CERS4: variants seen among roughly 807,000 people sequenced by gnomAD.
CERS4 encodes the protein LAG1 homolog, ceramide synthase 4.
In CERS4, 65 loss-of-function variants were observed where a neutral mutation model predicts 51.8. That is an observed-to-expected ratio of 1.26 (90% CI 1.03 to 1.54). The LOEUF (loss-of-function observed/expected upper bound fraction) is 1.54, where lower values mean the gene tolerates loss of function less well. Ranked by LOEUF, CERS4 falls within the 40% of genes most tolerant of loss-of-function variation. CERS4 has a pLI of 0.00. For missense variants in CERS4, 563 were observed against 500.4 expected, an observed-to-expected ratio of 1.13 and a Z score of -1.19; for synonymous variants, 228 against 208.4, an observed-to-expected ratio of 1.09 and a Z score of -0.81.
intron 2 of CERS4, among the ~76,000 whole-genome samples, chr19:8,242,942 A>G (rs1279779071): frequency 6.7e-6 from 1 of 150,212 alleles, no homozygotes; most frequent in Non-Finnish European, 1.5e-5. Context: ...GCAAGGATGC[A>G]TCCAAGACCC....
At chr19:8,211,426 C>T (rs551225816) in intron 2 of CERS4, among the ~76,000 whole-genome samples, 6 of 152,272 alleles carry the variant, frequency 3.9e-5, no homozygotes, top group African/African-American at 4.8e-5. Context: ...TGAGGGCCTC[C>T]GGGCTACTGA....
chr19:8,255,930 C>G (rs764830337), intron 6 of CERS4, 51 bp downstream of exon 6: 1 of 1,586,170 alleles, frequency 6.3e-7, no homozygotes, highest in Non-Finnish European at 8.6e-7. Flanking sequence ...TCCACCTGGC[C>G]TAGATCTGGC....
At chr19:8,234,740 G>T (rs1968164828) in intron 2 of CERS4, among the ~76,000 whole-genome samples, 1 of 150,794 alleles carries the variant, frequency 6.6e-6, no homozygotes, top group African/African-American at 2.4e-5. Context: ...TTTTAGTAGA[G>T]GTGGGGTTTC....
At chr19:8,226,299 A>G (rs902951525) in intron 2 of CERS4, among the ~76,000 whole-genome samples, 4 of 152,154 alleles carry the variant, frequency 2.6e-5, no homozygotes, top group African/African-American at 4.8e-5. Context: ...TCTGATGGAT[A>G]ATACCTGGGA....
chr19:8,246,096 C>CAA (rs145712726), intron 2 of CERS4, among the ~76,000 whole-genome samples: 10 of 137,338 alleles, frequency 7.3e-5, no homozygotes, highest in Non-Finnish European at 1.1e-4. Context: ...ACAACAACAA[C>CAA]AACAAAAAAA....
chr19:8,223,693 G>C (rs771345613), intron 2 of CERS4, among the ~76,000 whole-genome samples: 3 of 152,148 alleles, frequency 2.0e-5, no homozygotes, highest in Non-Finnish European at 4.4e-5. Context: ...AGCTGAGGTG[G>C]GAGGATCACT....
intron 2 of CERS4, among the ~76,000 whole-genome samples, chr19:8,235,284 G>A (rs1223847895): frequency 1.3e-5 from 2 of 151,520 alleles, no homozygotes; most frequent in African/African-American, 2.4e-5. Context: ...TGGGATTACA[G>A]GCGTGAACGA....
intron 2 of CERS4, among the ~76,000 whole-genome samples, chr19:8,218,762 C>T (rs1161872452): frequency 6.6e-6 from 1 of 152,188 alleles, no homozygotes; most frequent in Non-Finnish European, 1.5e-5. Context: ...ACAAACACCT[C>T]CGGTCCTTAA....
At chr19:8,257,591 A>G (rs1487338501) in intron 9 of CERS4, among the ~76,000 whole-genome samples, 1 of 151,914 alleles carries the variant, frequency 6.6e-6, no homozygotes, top group African/African-American at 2.4e-5. Flanking sequence ...CCACCATGCC[A>G]GCTAACTTTT....
intron 7 of CERS4, 124 bp from the exon 8 acceptor site, chr19:8,256,494 G>T: frequency 1.9e-6 from 2 of 1,038,960 alleles, no homozygotes; most frequent in East Asian, 2.5e-5. Flanking sequence ...CTCCAGGGAT[G>T]GGGAGCTCAC....
intron 2 of CERS4, among the ~76,000 whole-genome samples, chr19:8,245,488 A>G (rs1275931388): frequency 2.0e-5 from 3 of 152,034 alleles, no homozygotes; most frequent in Non-Finnish European, 4.4e-5. Context: ...GGTTCAAGCA[A>G]TCCTCCTGCC....
At chr19:8,251,969 G>A (rs1969106332) in intron 3 of CERS4, among the ~76,000 whole-genome samples, 1 of 151,660 alleles carries the variant, frequency 6.6e-6, no homozygotes, top group Non-Finnish European at 1.5e-5. Context: ...GCTGATTCCT[G>A]TAATGTCAGC....
chr19:8,238,411 G>C (rs1057401679), intron 2 of CERS4: 25 of 637,228 alleles, frequency 3.9e-5, no homozygotes, highest in Non-Finnish European at 4.9e-5. Flanking sequence ...GCCCAGGGAA[G>C]AGGGCGGAGG....
chr19:8,260,511 A>G (rs1969627109), intron 10 of CERS4, among the ~76,000 whole-genome samples: 1 of 140,200 alleles, frequency 7.1e-6, no homozygotes, highest in African/African-American at 2.7e-5. Flanking sequence ...CAGCCCAGCC[A>G]GTACTTTCAA....
Position 8,262,014 on chromosome 19 carries a change from A to G in CERS4, c.1090A>G (p.Asn364Asp), listed in dbSNP as rs780015199. Reference protein sequence around the residue: ...AAAQEPLQLKNGAAGGPRPAP... With the variant: ...AAAQEPLQLKDGAAGGPRPAP... ...GGCCCAGGAACCTCTGCAGCTAAAG[A>G]ACGGGGCAGCTGGAGGGCCCAGGCC... The change falls in exon 12 of 12, where the codon AAC (asparagine) becomes GAC (aspartate). Residue 364 changes from asparagine to aspartate, a missense_variant. Transcript: ENST00000251363. The G allele has an allele frequency of 6.3e-7, 1 of 1,590,216 alleles. No homozygotes were observed.
chr19:8,254,485 TCC>T lies in CERS4; in HGVS notation c.174-13_174-12del, dbSNP rs1568533913. On this transcript the variant is annotated splice_polypyrimidine_tract_variant and intron_variant, in intron 3 of 11. Coordinates refer to ENST00000251363, the MANE Select transcript of CERS4 (RefSeq NM_024552.3). The stretch of plus-strand genomic sequence containing the variant: ...TTCACCTGGGCTGATAGGCTCTGTC[TCC>T]TTTGCACCCAGATTCATTGGCCTGC... 6.2e-7 allele frequency: 1 copy of T among 1,612,678 alleles called. No individual in the cohort carries two copies. The highest frequency in any genetic ancestry group is 2.2e-5 in the East Asian group (1 of 44,858).
chr19:8,214,864 C>T (rs961103884), intron 2 of CERS4, among the ~76,000 whole-genome samples: 9 of 145,722 alleles, frequency 6.2e-5, no homozygotes, highest in Non-Finnish European at 8.9e-5. Flanking sequence ...TACTGATGAG[C>T]GTATGGAAGC....
chr19:8,243,306 C>T (rs542050928), intron 2 of CERS4, among the ~76,000 whole-genome samples: 1 of 151,920 alleles, frequency 6.6e-6, no homozygotes, highest in South Asian at 2.1e-4. Flanking sequence ...GCCAAGCTGG[C>T]CATGTGTCCT....
intron 2 of CERS4, among the ~76,000 whole-genome samples, chr19:8,248,734 T>C (rs912832869): frequency 6.0e-5 from 9 of 150,428 alleles, no homozygotes; most frequent in Non-Finnish European, 1.0e-4. Flanking sequence ...AGATGGACGA[T>C]AGGTGGATGG....
Sources: allele counts gnomAD v4.1 joint callset (sites outside exome capture counted in the v4.1 genomes callset), GRCh38; gene constraint gnomAD v4.1.1; transcripts MANE v1.5; gene names NCBI Gene and HGNC (gene_info 2026-07-23, HGNC 2026-07-21).